Variants in CLIC5 observed in about 807,000 individuals in gnomAD.
CLIC5 encodes the protein chloride intracellular channel protein 5.
Under a neutral mutation model 24.7 loss-of-function variants are expected in CLIC5, and 20 were observed. The ratio of observed to expected loss-of-function variants is 0.81; its 90% confidence interval spans 0.57 to 1.18. CLIC5 has a LOEUF of 1.18. Ranked by LOEUF, CLIC5 falls within the 50% of genes most tolerant of loss-of-function variation. CLIC5 has a pLI of 0.00. For missense variants in CLIC5, 341 were observed against 326.1 expected (o/e 1.05, Z -0.35); for synonymous variants, 159 against 135.6 (o/e 1.17, Z -1.20).
intron 1 of CLIC5, among the ~76,000 whole-genome samples, chr6:46,047,998 A>G (rs1044704038): frequency 7.2e-6 from 1 of 139,574 alleles, no homozygotes; most frequent in Admixed American, 8.0e-5. Flanking sequence ...ATTCACTTCC[A>G]TATCTACTTT....
intron 3 of CLIC5, among the ~76,000 whole-genome samples, chr6:45,945,448 T>C (rs1764259363): frequency 6.6e-6 from 1 of 151,998 alleles, no homozygotes; most frequent in Non-Finnish European, 1.5e-5. Context: ...ACCATGACAT[T>C]TTTTTTGCAG....
At chr6:46,127,304 A>G in the CLIC5 span, among the ~76,000 whole-genome samples, 2 of 152,142 alleles carry the variant, frequency 1.3e-5, no homozygotes, top group Admixed American at 1.3e-4. Context: ...CTACTCTCCT[A>G]TCAAACATTA....
At chr6:46,128,181 C>T in the CLIC5 span, among the ~76,000 whole-genome samples, 1 of 152,148 alleles carries the variant, frequency 6.6e-6, no homozygotes, top group Non-Finnish European at 1.5e-5. Flanking sequence ...TCCCTCTGTT[C>T]CTGACCACTT....
chr6:46,108,744 A>G, the CLIC5 span, among the ~76,000 whole-genome samples: 1 of 152,128 alleles, frequency 6.6e-6, no homozygotes, highest in Non-Finnish European at 1.5e-5. Flanking sequence ...CTGTCACTCT[A>G]TATGATTTTT....
the CLIC5 span, among the ~76,000 whole-genome samples, chr6:46,111,966 G>T: frequency 6.6e-6 from 1 of 151,758 alleles, no homozygotes; most frequent in African/African-American, 2.4e-5. Context: ...TGATTGTGAG[G>T]CCTCCCCAGC....
intron 1 of CLIC5, among the ~76,000 whole-genome samples, chr6:46,000,113 T>C (rs1766300765): frequency 6.6e-6 from 1 of 152,194 alleles, no homozygotes; most frequent in African/African-American, 2.4e-5. Flanking sequence ...TAATACCATA[T>C]ATAATGCATA....
At chr6:46,110,111 C>T in the CLIC5 span, among the ~76,000 whole-genome samples, 1 of 152,164 alleles carries the variant, frequency 6.6e-6, no homozygotes, top group Non-Finnish European at 1.5e-5. Context: ...TTAAAAGAAC[C>T]TGCTCTCCGT....
the CLIC5 span, among the ~76,000 whole-genome samples, chr6:46,127,605 T>G: frequency 6.6e-6 from 1 of 152,258 alleles, no homozygotes; most frequent in Non-Finnish European, 1.5e-5. Context: ...TGTTTTCTTT[T>G]ATTATCATTA....
At chr6:46,044,434 A>G (rs892343742) in intron 1 of CLIC5, among the ~76,000 whole-genome samples, 18 of 152,176 alleles carry the variant, frequency 1.2e-4, no homozygotes, top group African/African-American at 3.9e-4. Context: ...TTTTACCTGT[A>G]TCATCACTTG....
chr6:45,994,386 G>A (rs9395142), intron 1 of CLIC5, among the ~76,000 whole-genome samples: 90,348 of 151,838 alleles, frequency 0.6, 27,247 homozygotes, highest in East Asian at 0.77. Flanking sequence ...AAACTAACAC[G>A]GGAACAGAAA....
chr6:46,088,111 A>T, the CLIC5 span, among the ~76,000 whole-genome samples: 1 of 114,976 alleles, frequency 8.7e-6, no homozygotes, highest in South Asian at 4.7e-4. Flanking sequence ...GTTTGGTCTT[A>T]TATTATAAAA....
At position 45,981,891 on chromosome 6, in the gene CLIC5, G is replaced by A. The variant is rs1337333182; in HGVS notation, c.64-26647C>T. Among the ~76,000 whole-genome samples the A allele has an allele frequency of 3.9e-5, 6 of 152,134 alleles. No individual in the cohort carries two copies. The South Asian group carries it at 8.3e-4, about 21-fold the overall frequency. ...CAGGTGCCTGTAATCCCAGTTACTCGGGAGGCTGAGGCAGGAGAATCTCTT... is the reference window on the plus strand; with the variant it reads ...CAGGTGCCTGTAATCCCAGTTACTCAGGAGGCTGAGGCAGGAGAATCTCTT... On this transcript the variant is annotated intron_variant, in intron 1 of 5. Coordinates refer to ENST00000339561, the MANE Select transcript of CLIC5 (RefSeq NM_016929.5).
At chr6:45,972,857 G>A (rs541253090) in intron 1 of CLIC5, among the ~76,000 whole-genome samples, 1 of 152,272 alleles carries the variant, frequency 6.6e-6, no homozygotes, top group South Asian at 2.1e-4. Flanking sequence ...TGCACATCCA[G>A]ATTTCACATA....
At chr6:45,912,628 G>A (rs1007705494) in intron 5 of CLIC5, 1 of 1,480,244 alleles carries the variant, frequency 6.8e-7, no homozygotes, top group African/African-American at 1.4e-5. Flanking sequence ...CATGCTGCTA[G>A]TTGGCAGCAA....
the CLIC5 span, among the ~76,000 whole-genome samples, chr6:46,107,376 C>T: frequency 2.0e-5 from 3 of 152,188 alleles, no homozygotes; most frequent in African/African-American, 7.2e-5. Flanking sequence ...TCAGTTGTGC[C>T]TTCCGGCCTT....
the CLIC5 span, among the ~76,000 whole-genome samples, chr6:46,107,030 A>G: frequency 1.8e-4 from 27 of 152,354 alleles, no homozygotes; most frequent in East Asian, 4.8e-3. Flanking sequence ...TCCCAACTTA[A>G]TTTATAAATA....
intron 1 of CLIC5, among the ~76,000 whole-genome samples, chr6:45,974,599 G>T (rs1765326221): frequency 6.8e-6 from 1 of 148,142 alleles, no homozygotes; most frequent in South Asian, 2.2e-4. Flanking sequence ...ATAGAGAGGA[G>T]TTGAGGGCAG....
At chr6:45,925,777 G>C (rs1332628314) in intron 4 of CLIC5, among the ~76,000 whole-genome samples, 1 of 152,156 alleles carries the variant, frequency 6.6e-6, no homozygotes, top group African/African-American at 2.4e-5. Flanking sequence ...CTCTGTAGAG[G>C]AACAACAGTT....
chr6:46,055,774 C>T (rs895795731), intron 1 of CLIC5, among the ~76,000 whole-genome samples: 1 of 152,178 alleles, frequency 6.6e-6, no homozygotes, highest in Non-Finnish European at 1.5e-5. Flanking sequence ...CTGGAATCCT[C>T]ACAGTCCATC....
Sources: gnomAD v4.1 joint callset for allele counts (sites outside exome capture counted in the v4.1 genomes callset) on GRCh38, gnomAD v4.1.1 for gene constraint, MANE v1.5 for transcripts, NCBI Gene and HGNC (gene_info 2026-07-23, HGNC 2026-07-21) for gene names.